The following TOP6BL variants were observed in gnomAD, a reference collection of about 807,000 sequenced individuals.
TOP6BL encodes TOP6B like initiator of meiotic double strand breaks.
the TOP6BL span, among the ~76,000 whole-genome samples, chr11:66,749,367 G>A: frequency 8.2e-4 from 125 of 152,208 alleles, no homozygotes; most frequent in African/African-American, 3.0e-3. Flanking sequence ...GTCTGTGTGT[G>A]GTTGTAATAG....
At chr11:66,816,139 C>T in the TOP6BL span, 2 of 1,607,184 alleles carry the variant, frequency 1.2e-6, no homozygotes, top group Non-Finnish European at 1.7e-6. Context: ...ACAAACTCTG[C>T]TGCTTTTTCT....
chr11:66,755,675 T>C, the TOP6BL span, among the ~76,000 whole-genome samples: 1 of 152,194 alleles, frequency 6.6e-6, no homozygotes, highest in Admixed American at 6.5e-5. Flanking sequence ...AAAATATATT[T>C]ATTTTCTCAC....
chr11:66,781,917 G>A, the TOP6BL span, among the ~76,000 whole-genome samples: 2 of 151,950 alleles, frequency 1.3e-5, no homozygotes, highest in South Asian at 4.2e-4. Flanking sequence ...GTACATTTTT[G>A]TTTTATACTG....
chr11:66,756,264 T>C, the TOP6BL span: 2 of 1,055,946 alleles, frequency 1.9e-6, no homozygotes, highest in Non-Finnish European at 2.3e-6. Context: ...GTTCAGGACC[T>C]CTCATGTGCC....
the TOP6BL span, among the ~76,000 whole-genome samples, chr11:66,807,731 G>A: frequency 2.0e-5 from 3 of 152,192 alleles, no homozygotes; most frequent in African/African-American, 7.2e-5. Flanking sequence ...ATTAGAGCAA[G>A]CAGTTGAGAG....
chr11:66,802,080 C>T, the TOP6BL span, among the ~76,000 whole-genome samples: 1 of 152,156 alleles, frequency 6.6e-6, no homozygotes, highest in African/African-American at 2.4e-5. Flanking sequence ...GCCTTGGTCT[C>T]CTGGGCTCAA....
chr11:66,823,339 C>T, the TOP6BL span, among the ~76,000 whole-genome samples: 1 of 148,848 alleles, frequency 6.7e-6, no homozygotes, highest in African/African-American at 2.5e-5. Flanking sequence ...TGACATTCTA[C>T]TGCTTATCTT....
At chr11:66,745,083 A>C in the TOP6BL span, among the ~76,000 whole-genome samples, 1 of 152,120 alleles carries the variant, frequency 6.6e-6, no homozygotes, top group Non-Finnish European at 1.5e-5. Context: ...AAGTAGGAGC[A>C]GATGAGGGCT....
the TOP6BL span, among the ~76,000 whole-genome samples, chr11:66,805,285 G>A: frequency 4.3e-4 from 66 of 152,092 alleles, no homozygotes; most frequent in Non-Finnish European, 8.5e-4. Context: ...AATCTAAAGT[G>A]TGGTAGGCAC....
chr11:66,757,199 C>T, the TOP6BL span, among the ~76,000 whole-genome samples: 89 of 152,014 alleles, frequency 5.9e-4, 1 homozygote, highest in African/African-American at 2.1e-3. Flanking sequence ...AAAAATTAGT[C>T]GGGCGCGGTG....
the TOP6BL span, chr11:66,744,843 C>A: frequency 7.6e-7 from 1 of 1,323,134 alleles, no homozygotes; most frequent in African/African-American, 1.5e-5. Context: ...GCGGCGGCGG[C>A]GGGCGGGTAC....
At chr11:66,793,889 T>G in the TOP6BL span, among the ~76,000 whole-genome samples, 6 of 151,992 alleles carry the variant, frequency 3.9e-5, no homozygotes, top group Non-Finnish European at 7.4e-5. Context: ...GAGGACTGCT[T>G]GAGGCCAAGA....
At chr11:66,756,367 CTG>C in the TOP6BL span, 6 of 1,194,540 alleles carry the variant, frequency 5.0e-6, no homozygotes, top group African/African-American at 1.6e-5. Flanking sequence ...GAGTCTCACT[CTG>C]TTACCCAGGC....
the TOP6BL span, among the ~76,000 whole-genome samples, chr11:66,813,266 T>C: frequency 6.6e-6 from 1 of 152,186 alleles, no homozygotes; most frequent in Non-Finnish European, 1.5e-5. Flanking sequence ...CTTAAAACAA[T>C]GTTAACCTGT....
the TOP6BL span, among the ~76,000 whole-genome samples, chr11:66,815,342 A>G: frequency 6.6e-6 from 1 of 152,234 alleles, no homozygotes; most frequent in Non-Finnish European, 1.5e-5. Flanking sequence ...TAAAGGACAG[A>G]ACCAGGATCC....
At chr11:66,747,899 C>T in the TOP6BL span, among the ~76,000 whole-genome samples, 2 of 152,158 alleles carry the variant, frequency 1.3e-5, no homozygotes, top group Admixed American at 6.6e-5. Context: ...GGATTGCAGG[C>T]ATAAGCTACC....
At chr11:66,789,091 C>T in the TOP6BL span, among the ~76,000 whole-genome samples, 6 of 152,152 alleles carry the variant, frequency 3.9e-5, no homozygotes, top group African/African-American at 7.2e-5. Context: ...ACACTCAGTC[C>T]GTAATAGGTA....
At chr11:66,798,207 A>G in the TOP6BL span, among the ~76,000 whole-genome samples, 1 of 152,202 alleles carries the variant, frequency 6.6e-6, no homozygotes, top group East Asian at 1.9e-4. Flanking sequence ...GAGAGGATAT[A>G]AAAGTCAGAT....
chr11:66,824,216 T>C, the TOP6BL span, among the ~76,000 whole-genome samples: 2 of 152,174 alleles, frequency 1.3e-5, no homozygotes, highest in East Asian at 3.9e-4. Context: ...CATTAGGCCT[T>C]CATGAATGGG....
Sources: allele counts gnomAD v4.1 joint callset (sites outside exome capture counted in the v4.1 genomes callset), GRCh38; gene constraint gnomAD v4.1.1; transcripts MANE v1.5; gene names NCBI Gene and HGNC (gene_info 2026-07-23, HGNC 2026-07-21).